Variants in SLC24A2 observed in about 807,000 individuals in gnomAD.
SLC24A2 encodes sodium/potassium/calcium exchanger 2.
Under a neutral mutation model 62.0 loss-of-function variants are expected in SLC24A2, and 36 were observed. That is an observed-to-expected ratio of 0.58 (90% confidence interval 0.44 to 0.77). The LOEUF (loss-of-function observed/expected upper bound fraction) is 0.77, where lower values mean the gene tolerates loss of function less well. SLC24A2 is among the 30% of genes least tolerant of loss of function. SLC24A2 has a pLI of 0.00. For missense variants in SLC24A2, 846 were observed against 817.9 expected (o/e 1.03, Z -0.42); for synonymous variants, 358 against 294.0 (o/e 1.22, Z -2.23).
chr9:19,967,461 G>GC, the SLC24A2 span: 2 of 152,114 alleles, frequency 1.3e-5, no homozygotes, highest in Admixed American at 6.6e-5. Flanking sequence ...TCTATATTTT[G>GC]CCCCCTATCA....
the SLC24A2 span, among the ~76,000 whole-genome samples, chr9:20,084,033 G>C: frequency 6.6e-6 from 1 of 152,220 alleles, no homozygotes; most frequent in Non-Finnish European, 1.5e-5. Flanking sequence ...GTCAGAGCTT[G>C]CTTGCTTGCC....
chr9:20,108,905 T>A, the SLC24A2 span, among the ~76,000 whole-genome samples: 1 of 150,702 alleles, frequency 6.6e-6, no homozygotes, highest in Non-Finnish European at 1.5e-5. Flanking sequence ...AAAATAGTCA[T>A]GTGCCATGTA....
chr9:19,762,309 T>C (rs1164688216), intron 2 of SLC24A2, among the ~76,000 whole-genome samples: 1 of 152,264 alleles, frequency 6.6e-6, no homozygotes, highest in African/African-American at 2.4e-5. Context: ...GCTCTTTAGG[T>C]TAATTAGATC....
the SLC24A2 span, among the ~76,000 whole-genome samples, chr9:19,965,994 T>A: frequency 1.3e-5 from 2 of 152,210 alleles, no homozygotes; most frequent in Non-Finnish European, 2.9e-5. Flanking sequence ...GATATTATAT[T>A]CCCTGTTCTC....
chr9:19,918,140 ATGTG>A, the SLC24A2 span, among the ~76,000 whole-genome samples: 64,961 of 147,866 alleles, frequency 0.44, 15,050 homozygotes, highest in East Asian at 0.71. Flanking sequence ...AACTGACATT[ATGTG>A]TGTGTGTGTG....
At chr9:20,025,840 G>A in the SLC24A2 span, among the ~76,000 whole-genome samples, 11 of 152,244 alleles carry the variant, frequency 7.2e-5, no homozygotes, top group African/African-American at 2.6e-4. Flanking sequence ...ATAGACATCT[G>A]CTCAGTGAAC....
the SLC24A2 span, among the ~76,000 whole-genome samples, chr9:19,982,641 G>A: frequency 6.6e-5 from 10 of 152,184 alleles, no homozygotes; most frequent in Middle Eastern, 3.4e-3. Flanking sequence ...TCTCAAATGC[G>A]TCTGAAAAAT....
the SLC24A2 span, among the ~76,000 whole-genome samples, chr9:20,211,378 G>A: frequency 1.3e-5 from 2 of 152,114 alleles, no homozygotes; most frequent in Admixed American, 1.3e-4. Context: ...TGGGTATGGT[G>A]GCACATGCCT....
the SLC24A2 span, among the ~76,000 whole-genome samples, chr9:19,956,556 A>G: frequency 8.3e-4 from 126 of 152,322 alleles, no homozygotes; most frequent in Admixed American, 2.5e-3. Context: ...GAGGCCTCAC[A>G]ATTGTGATGG....
intron 2 of SLC24A2, among the ~76,000 whole-genome samples, chr9:19,664,912 C>A (rs956467501): frequency 3.9e-5 from 6 of 152,206 alleles, no homozygotes; most frequent in African/African-American, 1.4e-4. Context: ...GACTTCTAGC[C>A]TACAGGACTA....
the SLC24A2 span, among the ~76,000 whole-genome samples, chr9:19,939,524 G>A: frequency 5.9e-5 from 9 of 152,250 alleles, no homozygotes; most frequent in African/African-American, 1.9e-4. Context: ...CACGCCTGGA[G>A]CTTGCAGGAC....
chr9:19,721,818 G>A (rs1338447909), intron 2 of SLC24A2, among the ~76,000 whole-genome samples: 2 of 151,800 alleles, frequency 1.3e-5, no homozygotes, highest in Non-Finnish European at 2.9e-5. Context: ...TATTTCCTTT[G>A]TGAGCCTTTA....
chr9:19,647,197 C>A (rs1587091348), intron 2 of SLC24A2, among the ~76,000 whole-genome samples: 1 of 151,058 alleles, frequency 6.6e-6, no homozygotes, highest in East Asian at 1.9e-4. Flanking sequence ...GTTGTGAACT[C>A]TTCCTTGACA....
At chr9:19,944,441 TA>T in the SLC24A2 span, among the ~76,000 whole-genome samples, 4,671 of 78,488 alleles carry the variant, frequency 0.06, 172 homozygotes, top group African/African-American at 0.15. Flanking sequence ...AAAGTAGTAG[TA>T]AAAAAAAAAA....
rs1817922806 is a variant in SLC24A2, at chr9:19,622,150, T to A, written c.969+111A>T. On this transcript the variant is annotated intron_variant, in intron 3 of 10. Transcript: ENST00000341998. ...CATCAGGGGTTAGATTATTTAAGTA[T>A]TCCAAGGGAGAGAGTAATGTGTTGA... is the stretch of plus-strand genomic sequence containing the variant. The A allele has an allele frequency of 2.8e-5, 24 of 856,488 alleles. 1 individual carries two copies. The South Asian group carries it at 3.4e-4, about 12-fold the overall frequency. The allele number at this position is 856,488 out of a possible 1,614,324, so 53.1% of individuals were successfully genotyped here.
intron 4 of SLC24A2, among the ~76,000 whole-genome samples, chr9:19,609,812 G>A (rs528105892): frequency 8.1e-4 from 124 of 152,264 alleles, no homozygotes; most frequent in African/African-American, 2.7e-3. Context: ...ATGGTTTCAG[G>A]ATGAAACTGT....
the SLC24A2 span, among the ~76,000 whole-genome samples, chr9:20,273,495 C>T: frequency 1.2e-4 from 18 of 152,082 alleles, no homozygotes; most frequent in Admixed American, 2.6e-4. Context: ...ATCATGGAGG[C>T]GAGTCTTTCC....
intron 2 of SLC24A2, among the ~76,000 whole-genome samples, chr9:19,690,481 T>A (rs1820012528): frequency 6.6e-6 from 1 of 152,076 alleles, no homozygotes; most frequent in African/African-American, 2.4e-5. Context: ...CCTCTGGGGA[T>A]GGTAAGCTGA....
At position 19,528,730 on chromosome 9, in the gene SLC24A2, A is replaced by C. The variant is rs113801338; in HGVS notation, c.1480-592T>G. Among the ~76,000 whole-genome samples, 184 of 152,322 alleles carry C rather than the reference A, an allele frequency of 1.2e-3. 4 individuals are homozygous for C. Among genetic ancestry groups the C allele is most frequent in the South Asian group, 1.2e-3 (6 of 4,830 alleles). On this transcript the variant is annotated intron_variant, in intron 8 of 10. Coordinates refer to ENST00000341998, the MANE Select transcript of SLC24A2 (RefSeq NM_020344.4). ...CTTTTATAGATTCTGGATGATGGCC[A>C]TTCTCCAGGACACTGGAACCACCCA...
Sources: gnomAD v4.1 joint callset for allele counts (sites outside exome capture counted in the v4.1 genomes callset) on GRCh38, gnomAD v4.1.1 for gene constraint, MANE v1.5 for transcripts, NCBI Gene and HGNC (gene_info 2026-07-23, HGNC 2026-07-21) for gene names.